The following STARD9 variants were observed in gnomAD, a reference collection of about 807,000 sequenced individuals.
STARD9 encodes the protein stAR-related lipid transfer protein 9.
A neutral mutation model predicts 399.8 loss-of-function variants in STARD9; 346 were observed. The observed-to-expected ratio is 0.87, with a 90% CI of 0.79 to 0.95. STARD9 has a LOEUF of 0.95. Ranked by LOEUF, STARD9 falls within the 40% of genes least tolerant of loss-of-function variation. The probability of loss-of-function intolerance (pLI) is 0.00; values close to 1 mark genes in which losing one functional copy is unlikely to be tolerated. For missense variants in STARD9, 5,832 were observed against 5,667.5 expected, an observed-to-expected ratio of 1.03 and a Z score of -0.93; for synonymous variants, 2,203 against 2,143.5, an observed-to-expected ratio of 1.03 and a Z score of -0.77.
At chr15:42,680,338 G>A (rs1016011067) in intron 20 of STARD9, among the ~76,000 whole-genome samples, 12 of 152,154 alleles carry the variant, frequency 7.9e-5, no homozygotes, top group African/African-American at 2.9e-4. Flanking sequence ...GGTGGCTCAT[G>A]CCTGTAGTCC....
Position 42,692,726 on chromosome 15 carries a change from T to A in STARD9, c.11148T>A (p.Asp3716Glu), listed in dbSNP as rs1402401899. 1.3e-6 allele frequency: 2 copies of A among 1,536,782 alleles called. No homozygotes were observed. The highest frequency in any genetic ancestry group is 1.7e-6 in the Non-Finnish European group (2 of 1,146,840). ...AGAACACCAAGAGGGACATCCCAGA[T>A]AAAGCCCCACAGGCCCTGATGATGG... ...REQNTKRDIP[D>E]KAPQALMMDG... is the part of the protein sequence containing the mutation. Residue 3716 changes from aspartate (D) to glutamate (E), a missense_variant, in exon 23 of 33, where the codon GAT becomes GAA. Physicochemically the swap from Asp to Glu is conservative, Grantham distance 45 (BLOSUM62 2). Around this residue, in one of 2 missense-constraint regions of STARD9, gnomAD observed 5,828 missense variants for 5,651.1 expected, o/e 1.03. Transcript: ENST00000290607.
At chr15:42,710,845 A>G (rs1055431640) in intron 26 of STARD9, among the ~76,000 whole-genome samples, 3 of 148,876 alleles carry the variant, frequency 2.0e-5, no homozygotes, top group Non-Finnish European at 3.0e-5. Context: ...ATTCACTCCC[A>G]TTTCTATCTC....
chr15:42,717,811 G>A lies in STARD9; in HGVS notation c.13559+16G>A. 6.5e-7 allele frequency: 1 copy of A among 1,536,632 alleles called. No homozygotes were observed. The highest frequency in any genetic ancestry group is 1.2e-5 in the South Asian group (1 of 84,044). On this transcript the variant is annotated intron_variant, in intron 29 of 32. Coordinates refer to ENST00000290607, the MANE Select transcript of STARD9 (RefSeq NM_020759.3). ...CTGGCTGGAAGTAAGTTTGTTTAGG[G>A]TCCTTTGTACAGTGTCTGTCTTGGT...
chr15:42,684,715 G>C lies in STARD9; in HGVS notation c.3137G>C (p.Arg1046Thr). The part of the protein sequence containing the change: ...SPSRASKRHQ[R>T]VLATRVRNIT... ...AGCAGGGCATCAAAAAGGCATCAGAGGGTTCTGGCAACTAGGGTCAGAAAT... is the reference window on the plus strand; with the variant it reads ...AGCAGGGCATCAAAAAGGCATCAGACGGTTCTGGCAACTAGGGTCAGAAAT... The change falls in exon 23 of 33, where the codon AGG becomes ACG. Residue 1046 changes from arginine to threonine, a missense_variant. By Grantham distance (71) the Arg-to-Thr change is moderately conservative (BLOSUM62 -1). Coordinates refer to ENST00000290607, the MANE Select transcript of STARD9 (RefSeq NM_020759.3). The C allele has an allele frequency of 2.6e-6, 4 of 1,537,194 alleles. No individual in the cohort carries two copies. Among genetic ancestry groups the C allele is most frequent in the Non-Finnish European group, 3.5e-6 (4 of 1,146,900 alleles).
chr15:42,634,800 A>G lies in STARD9; in HGVS notation c.235-56A>G, dbSNP rs1345477726. 5 of 774,620 alleles carry G rather than the reference A, an allele frequency of 6.5e-6. No homozygotes were observed. In the African/African-American group the frequency reaches 7.1e-5, roughly 11 times the overall value. The allele number at this position is 774,620 out of a possible 1,614,324, so 48.0% of individuals were successfully genotyped here. On this transcript the variant is annotated intron_variant, in intron 3 of 32. Coordinates refer to ENST00000290607, the MANE Select transcript of STARD9 (RefSeq NM_020759.3). Reference sequence around the variant, plus strand: ...TTTTTTAGATTAGAAAATAATTCTAAATCTGCTATGAGAAGAAGGACCACA... The same window carrying G: ...TTTTTTAGATTAGAAAATAATTCTAGATCTGCTATGAGAAGAAGGACCACA...
At chr15:42,652,974 G>T (rs1250516636) in intron 9 of STARD9, among the ~76,000 whole-genome samples, 1 of 152,074 alleles carries the variant, frequency 6.6e-6, no homozygotes, top group African/African-American at 2.4e-5. Flanking sequence ...CATCGTTCCC[G>T]GCCCTGTTTC....
intron 3 of STARD9, among the ~76,000 whole-genome samples, chr15:42,627,396 G>A (rs1046780288): frequency 1.3e-5 from 2 of 152,110 alleles, no homozygotes; most frequent in African/African-American, 4.8e-5. Flanking sequence ...CTCACATCAG[G>A]GTAAATGGGA....
intron 9 of STARD9, among the ~76,000 whole-genome samples, chr15:42,653,948 A>G (rs919866491): frequency 1.3e-5 from 2 of 152,200 alleles, no homozygotes; most frequent in Non-Finnish European, 2.9e-5. Context: ...ATGAAAGGAG[A>G]TATATTTAAG....
Position 42,684,939 on chromosome 15 carries a change from A to G in STARD9, c.3361A>G (p.Ile1121Val). The G allele has an allele frequency of 6.5e-7, 1 of 1,537,084 alleles. No homozygotes were observed. The highest frequency in any genetic ancestry group is 8.7e-7 in the Non-Finnish European group (1 of 1,146,930). The part of the protein sequence containing the change: ...SLSCVYAKAL[I>V]EPLKPEERKW... The stretch of plus-strand genomic sequence containing the variant: ...CTCATGTGTCTATGCCAAAGCCCTG[A>G]TAGAGCCACTGAAGCCAGAGGAGAG... The change falls in exon 23 of 33, where the codon ATA (isoleucine) becomes GTA (valine). Residue 1121 changes from isoleucine to valine, a missense_variant. By Grantham distance (29) the Ile-to-Val change is conservative. Around this residue, in one of 2 missense-constraint regions of STARD9, gnomAD observed 5,828 missense variants for 5,651.1 expected, o/e 1.03. Transcript: ENST00000290607.
chr15:42,624,279 T>C (rs1159058192), intron 3 of STARD9, among the ~76,000 whole-genome samples: 2 of 152,126 alleles, frequency 1.3e-5, no homozygotes, highest in Admixed American at 1.3e-4. Context: ...TAATTACTAA[T>C]TAAAATGAAA....
In STARD9 at chr15:42,660,216, G is replaced by T. The variant is rs531967757; in HGVS notation, c.703-942G>T. The stretch of plus-strand genomic sequence containing the variant: ...ACAGAATGACTGCAAAGACTTGAGG[G>T]ATTTGGGGATTATTTGAAATGTCCT... On this transcript the variant is annotated intron_variant, in intron 9 of 32. Transcript: ENST00000290607. 2.0e-5 allele frequency among the ~76,000 whole-genome samples: 3 copies of T among 152,290 alleles called. No homozygotes were observed. The South Asian group carries it at 6.2e-4, about 32-fold the overall frequency.
At chr15:42,675,598 G>A (rs976441708) in intron 18 of STARD9, 66 bp from the exon 19 acceptor site, 48 of 1,257,268 alleles carry the variant, frequency 3.8e-5, no homozygotes, top group East Asian at 2.3e-4. Flanking sequence ...GAGCAGTGCC[G>A]TACACATAGT....
chr15:42,642,254 T>C (rs1035044676), intron 7 of STARD9, among the ~76,000 whole-genome samples: 1 of 152,194 alleles, frequency 6.6e-6, no homozygotes, highest in Non-Finnish European at 1.5e-5. Context: ...GAACTTGCAG[T>C]TCCAGTTCAG....
chr15:42,615,553 A>T (rs749291426), intron 3 of STARD9, among the ~76,000 whole-genome samples: 9 of 151,754 alleles, frequency 5.9e-5, no homozygotes, highest in Non-Finnish European at 1.3e-4. Flanking sequence ...TCCCATATAT[A>T]TATATGGGTT....
chr15:42,686,640 C>A lies in STARD9; in HGVS notation c.5062C>A (p.Pro1688Thr). The A allele has an allele frequency of 6.5e-7, 1 of 1,537,302 alleles. No homozygotes were observed. The change falls in exon 23 of 33, where the codon CCC becomes ACC. Residue 1688 changes from proline to threonine, a missense_variant. Around this residue, in one of 2 missense-constraint regions of STARD9, gnomAD observed 5,828 missense variants for 5,651.1 expected, o/e 1.03. Transcript: ENST00000290607. ...TGCAGTCCAGCCAGGGCAATTAAGTCCCGACAGCCACTACCCACTAGAGGA... is the reference window on the plus strand; with the variant it reads ...TGCAGTCCAGCCAGGGCAATTAAGTACCGACAGCCACTACCCACTAGAGGA... The part of the protein sequence containing the change: ...NSAVQPGQLS[P>T]DSHYPLEEEK...
At chr15:42,592,714 G>A (rs749017529) in intron 3 of STARD9, among the ~76,000 whole-genome samples, 5 of 152,186 alleles carry the variant, frequency 3.3e-5, no homozygotes, top group Non-Finnish European at 7.3e-5. Context: ...AAAGTGCTGG[G>A]ATTACAGGCG....
intron 7 of STARD9, among the ~76,000 whole-genome samples, chr15:42,643,067 A>G (rs1192812769): frequency 6.6e-6 from 1 of 151,674 alleles, no homozygotes; most frequent in Non-Finnish European, 1.5e-5. Context: ...GTATACTAAT[A>G]CATTTATAAA....
intron 1 of STARD9, among the ~76,000 whole-genome samples, chr15:42,580,264 C>T (rs1366176954): frequency 1.3e-5 from 2 of 152,200 alleles, no homozygotes; most frequent in Non-Finnish European, 2.9e-5. Flanking sequence ...GGACAAATAC[C>T]TCAAGGTAAA....
intron 26 of STARD9, among the ~76,000 whole-genome samples, chr15:42,696,212 G>A (rs1401717554): frequency 1.3e-5 from 2 of 152,238 alleles, no homozygotes; most frequent in Non-Finnish European, 2.9e-5. Context: ...ATTGTTTGAA[G>A]GCGGGTTGCT....
Sources: allele counts gnomAD v4.1 joint callset (sites outside exome capture counted in the v4.1 genomes callset), GRCh38; gene constraint gnomAD v4.1.1; regional missense constraint gnomAD v4.1.1; transcripts MANE v1.5; gene names NCBI Gene and HGNC (gene_info 2026-07-23, HGNC 2026-07-21).